RP2: variants seen among roughly 807,000 people sequenced by gnomAD.
The protein encoded by RP2 is RP2 activator of ARL3 GTPase, also known as protein XRP2.
RP2 carries 3 observed loss-of-function variants against 20.3 expected under a neutral mutation model. The observed-to-expected ratio is 0.15, with a 90% CI of 0.07 to 0.38. RP2 has a LOEUF of 0.38. RP2 is among the 10% of genes least tolerant of loss of function. The probability of loss-of-function intolerance (pLI) is 1.00; values close to 1 mark genes in which losing one functional copy is unlikely to be tolerated. For synonymous variants in RP2, 75 were observed against 94.8 expected (o/e 0.79, Z 1.22); for missense variants, 233 against 268.5 (o/e 0.87, Z 0.92).
At chrX:46,870,357 A>G in intron 3 of RP2, among the ~76,000 whole-genome samples, 1 of 109,896 alleles carries the variant, frequency 9.1e-6, no homozygotes, top group Non-Finnish European at 1.9e-5. Context: ...GATCCACCCA[A>G]CTTGGCCTCC....
At chrX:46,877,362 T>TA in intron 3 of RP2, 143 bp from the exon 4 acceptor site, 1 of 492,993 alleles carries the variant, frequency 2.0e-6, no homozygotes, top group East Asian at 3.7e-5. Context: ...GCTGAGGTGA[T>TA]ATGTCCCATC....
chrX:46,859,221 G>A (rs1381380168), intron 2 of RP2, among the ~76,000 whole-genome samples: 1 of 111,621 alleles, frequency 9.0e-6, no homozygotes, highest in African/African-American at 3.3e-5. Context: ...AGTGGCTCAT[G>A]CTTATAATTC....
chrX:46,844,929 A>G (rs1401055477), intron 1 of RP2, among the ~76,000 whole-genome samples: 2 of 112,230 alleles, frequency 1.8e-5, no homozygotes, highest in Non-Finnish European at 3.8e-5. Context: ...TCTGATGGCC[A>G]GGGATGATGA....
rs782580817 is a variant in RP2, at chrX:46,853,621, T to C, written c.248T>C (p.Ile83Thr). The C allele has an allele frequency of 3.1e-5, 38 of 1,209,700 alleles. No individual in the cohort carries two copies. Among genetic ancestry groups the C allele is most frequent in the East Asian group, 8.9e-5 (3 of 33,790 alleles). Residue 83 changes from isoleucine to threonine, a missense_variant, in exon 2 of 5, where the codon ATT (isoleucine) becomes ACT (threonine). Transcript: ENST00000218340. The stretch of plus-strand genomic sequence containing the variant: ...TTTGATCACTCTGCTACAGTTACCA[T>C]TGATGACTGTACTAACTGCATAATT... Reference protein sequence around the residue: ...YIFDHSATVTIDDCTNCIIFL... With the variant: ...YIFDHSATVTTDDCTNCIIFL...
At chrX:46,841,028 T>A (rs1924613544) in intron 1 of RP2, among the ~76,000 whole-genome samples, 2 of 112,459 alleles carry the variant, frequency 1.8e-5, no homozygotes, top group African/African-American at 6.5e-5. Flanking sequence ...AAGATTTCTC[T>A]ACTGTTTAGT....
intron 3 of RP2, among the ~76,000 whole-genome samples, chrX:46,860,854 A>T (rs782724984): frequency 2.7e-5 from 3 of 112,285 alleles, no homozygotes; most frequent in Non-Finnish European, 5.6e-5. Flanking sequence ...TCTGCATTTT[A>T]TGTGCTCTTT....
At chrX:46,861,506 TG>T (rs1925061528) in intron 3 of RP2, among the ~76,000 whole-genome samples, 1 of 111,523 alleles carries the variant, frequency 9.0e-6, no homozygotes, top group African/African-American at 3.3e-5. Flanking sequence ...GGAGCCAGCT[TG>T]AAGGAGTTTC....
intron 3 of RP2, among the ~76,000 whole-genome samples, chrX:46,869,074 TGGG>T (rs1190855729): frequency 9.1e-6 from 1 of 109,354 alleles, no homozygotes; most frequent in Non-Finnish European, 1.9e-5. Flanking sequence ...ACTCCAGCCT[TGGG>T]GGGAGTGACC....
intron 4 of RP2, among the ~76,000 whole-genome samples, chrX:46,878,316 G>T (rs1210238091): frequency 9.5e-6 from 1 of 105,529 alleles, no homozygotes; most frequent in Non-Finnish European, 2.0e-5. Flanking sequence ...GGCGGAGCTT[G>T]CAGTGAGCCG....
intron 1 of RP2, among the ~76,000 whole-genome samples, chrX:46,850,622 T>A (rs565076264): frequency 1.8e-5 from 2 of 111,792 alleles, no homozygotes; most frequent in South Asian, 3.7e-4. Flanking sequence ...GTTCCGTCTG[T>A]TACTTTTGCC....
rs377724397 is a variant in RP2, at chrX:46,861,772, T to C, written c.883+1670T>C. On this transcript the variant is annotated intron_variant, in intron 3 of 4. Transcript: ENST00000218340. Reference sequence around the variant, plus strand: ...GGGAGGGTTGCTTGAGCCCAGGAGCTTGAGGCTGCAGTGAGTTATGCTCAT... The same window carrying C: ...GGGAGGGTTGCTTGAGCCCAGGAGCCTGAGGCTGCAGTGAGTTATGCTCAT... 2.6e-4 allele frequency among the ~76,000 whole-genome samples: 29 copies of C among 111,390 alleles called. No homozygotes were observed. In the East Asian group the frequency reaches 7.6e-3, roughly 29 times the overall value.
intron 3 of RP2, among the ~76,000 whole-genome samples, chrX:46,862,591 T>C (rs112149079): frequency 0.011 from 1,108 of 104,407 alleles, 14 homozygotes; most frequent in African/African-American, 0.035. Context: ...ACCCGGGAGG[T>C]GGAGCTTGCA....
Position 46,847,765 on chromosome X carries a change from C to CATAT in RP2, c.103-5709_103-5708insATAT, listed in dbSNP as rs782092352. On this transcript the variant is annotated intron_variant, in intron 1 of 4. Coordinates refer to ENST00000218340, the MANE Select transcript of RP2 (RefSeq NM_006915.3). ...ACATATGTGTGTGTGTATATACACA[C>CATAT]ATGTGTGTGTGTACATACACACATG... is the stretch of plus-strand genomic sequence containing the variant. 5.1e-5 allele frequency among the ~76,000 whole-genome samples: 4 copies of CATAT among 78,408 alleles called. No individual in the cohort carries two copies. In the South Asian group the frequency reaches 2.3e-3, roughly 46 times the overall value. 68.1% of individuals were successfully genotyped at this position (78,408 alleles called of 115,157 possible). A position where few individuals can be genotyped will look rare whatever the true frequency, so the allele number is the denominator to read the frequency against.
chrX:46,847,789 T>TGTGTGTGTATATACACAC (rs1924773208), intron 1 of RP2, among the ~76,000 whole-genome samples: 2 of 83,475 alleles, frequency 2.4e-5, no homozygotes, highest in African/African-American at 9.7e-5. Context: ...CATACACACA[T>TGTGTGTGTATATACACAC]GTGTGTGTGT....
chrX:46,847,583 C>T (rs1045312108), intron 1 of RP2, among the ~76,000 whole-genome samples: 4 of 103,934 alleles, frequency 3.8e-5, no homozygotes, highest in Non-Finnish European at 7.8e-5. Context: ...TATATACATA[C>T]ATATACAAAA....
rs1378869645 is a variant in RP2, at chrX:46,847,702, GTA to G, written c.103-5767_103-5766del. ...GATCACACTATATATATGTGTGTGTGTATATATACACACATATATGTGTGTGT... is the reference window on the plus strand; with the variant it reads ...GATCACACTATATATATGTGTGTGTGTATATACACACATATATGTGTGTGT... On this transcript the variant is annotated intron_variant, in intron 1 of 4. Transcript: ENST00000218340. Among the ~76,000 whole-genome samples the G allele has an allele frequency of 8.3e-3, 745 of 89,781 alleles. 14 individuals are homozygous for G. Among genetic ancestry groups the G allele is most frequent in the African/African-American group, 0.032 (701 of 21,802 alleles). The allele number at this position is 89,781 out of a possible 115,157, so 78.0% of individuals were successfully genotyped here.
intron 1 of RP2, among the ~76,000 whole-genome samples, chrX:46,849,219 C>G (rs1924816165): frequency 9.3e-6 from 1 of 107,171 alleles, no homozygotes; most frequent in Non-Finnish European, 1.9e-5. Context: ...GTGTCAGGGT[C>G]TTGCTTTGTC....
At chrX:46,843,877 T>C (rs1391292476) in intron 1 of RP2, among the ~76,000 whole-genome samples, 1 of 111,065 alleles carries the variant, frequency 9.0e-6, no homozygotes, top group African/African-American at 3.3e-5. Flanking sequence ...TTTTGCCATA[T>C]TGGCCAGGCT....
chrX:46,855,627 C>T (rs781968835), intron 2 of RP2, among the ~76,000 whole-genome samples: 1 of 110,038 alleles, frequency 9.1e-6, no homozygotes, highest in South Asian at 4.0e-4. Flanking sequence ...GCCACCATGC[C>T]CGCTAATTTT....
Sources: gnomAD v4.1 joint callset for allele counts (sites outside exome capture counted in the v4.1 genomes callset) on GRCh38, gnomAD v4.1.1 for gene constraint, MANE v1.5 for transcripts, NCBI Gene and HGNC (gene_info 2026-07-23, HGNC 2026-07-21) for gene names.